Variants in SKAP1 observed in about 807,000 individuals in gnomAD.
The protein encoded by SKAP1 is src kinase associated phosphoprotein 1.
A neutral mutation model predicts 58.5 loss-of-function variants in SKAP1; 44 were observed. That is an observed-to-expected ratio of 0.75 (90% CI 0.59 to 0.97). SKAP1 has a LOEUF of 0.97. SKAP1 is among the 50% of genes least tolerant of loss of function. The pLI is 0.00. For synonymous variants in SKAP1, 127 were observed against 149.7 expected (o/e 0.85, Z 1.11); for missense variants, 390 against 435.2 (o/e 0.90, Z 0.92).
intron 4 of SKAP1, among the ~76,000 whole-genome samples, chr17:48,252,975 A>G (rs375240621): frequency 6.6e-6 from 1 of 152,280 alleles, no homozygotes; most frequent in South Asian, 2.1e-4. Context: ...AAAACTGGAT[A>G]CAAATTGTTG....
chr17:48,396,852 T>G, intron 1 of SKAP1, 67 bp from the exon 2 acceptor site: 2 of 1,185,820 alleles, frequency 1.7e-6, no homozygotes, highest in Non-Finnish European at 1.2e-6. Context: ...ATCAGAAGGA[T>G]TAAGAAATGG....
At chr17:48,298,677 C>A (rs1358999042) in intron 4 of SKAP1, among the ~76,000 whole-genome samples, 1 of 152,098 alleles carries the variant, frequency 6.6e-6, no homozygotes, top group Non-Finnish European at 1.5e-5. Context: ...TTCATGAGAT[C>A]CTGTTTTCAT....
intron 2 of SKAP1, among the ~76,000 whole-genome samples, chr17:48,377,962 TC>T (rs955814161): frequency 6.6e-6 from 1 of 152,194 alleles, no homozygotes; most frequent in Non-Finnish European, 1.5e-5. Flanking sequence ...ACCCCTGTGT[TC>T]CCTATTTCAA....
intron 11 of SKAP1, among the ~76,000 whole-genome samples, chr17:48,161,856 A>G (rs899114632): frequency 7.2e-5 from 11 of 152,236 alleles, no homozygotes; most frequent in Admixed American, 5.9e-4. Flanking sequence ...AATTATGTAC[A>G]TAGTGATGAC....
Position 48,294,621 on chromosome 17 carries a change from C to T in SKAP1, c.280+51284G>A, listed in dbSNP as rs185347389. The T allele has an allele frequency of 2.6e-5, 4 of 152,276 alleles. No homozygotes were observed. In the East Asian group the frequency reaches 5.8e-4, roughly 22 times the overall value. 9.4% of individuals were successfully genotyped at this position (152,276 alleles called of 1,614,324 possible). A position where few individuals can be genotyped will look rare whatever the true frequency, so the allele number is the denominator to read the frequency against. On this transcript the variant is annotated intron_variant, in intron 4 of 12. Transcript: ENST00000336915. Reference sequence around the variant, plus strand: ...TGTGTAGAAAGCAATTATCAAGATTCCTCCAAAAGTCACAGAAATTTGGGT... The same window carrying T: ...TGTGTAGAAAGCAATTATCAAGATTTCTCCAAAAGTCACAGAAATTTGGGT...
At chr17:48,368,149 G>A (rs937249849) in intron 2 of SKAP1, among the ~76,000 whole-genome samples, 1 of 152,096 alleles carries the variant, frequency 6.6e-6, no homozygotes, top group Non-Finnish European at 1.5e-5. Flanking sequence ...TAAAAGGAAA[G>A]CCCAAAAGGT....
Position 48,189,451 on chromosome 17 carries a change from C to T in SKAP1, c.330G>A (p.Lys110=). 1 of 1,613,538 alleles carries T rather than the reference C, an allele frequency of 6.2e-7. No individual in the cohort carries two copies. The highest frequency in any genetic ancestry group is 1.1e-5 in the South Asian group (1 of 91,040). ...KGAQELDNVI[K]QGYLEKKSKD... is the part of the protein sequence containing the mutation. ...TGCTTTTCTTCTCCAAGTATCCTTG[C>T]TTGATTACGTTATCAAGTTCTTGAG... Residue 110 remains lysine (K), a synonymous_variant, in exon 5 of 13, where the codon AAG becomes AAA. Transcript: ENST00000336915.
chr17:48,237,613 G>A (rs1302994865), intron 4 of SKAP1, among the ~76,000 whole-genome samples: 1 of 152,204 alleles, frequency 6.6e-6, no homozygotes, highest in Non-Finnish European at 1.5e-5. Flanking sequence ...CATTGAGGAT[G>A]TATTGGAGGA....
intron 2 of SKAP1, chr17:48,377,196 A>G (rs2067160727): frequency 6.6e-6 from 1 of 152,200 alleles, no homozygotes; most frequent in African/African-American, 2.4e-5. Context: ...AGGAAAAAAA[A>G]TTAAGGAAAA....
chr17:48,279,721 T>C (rs1333083811), intron 4 of SKAP1, among the ~76,000 whole-genome samples: 3 of 152,230 alleles, frequency 2.0e-5, no homozygotes, highest in Non-Finnish European at 2.9e-5. Context: ...TAAAGAAGTA[T>C]ATTTCATTCC....
At chr17:48,227,904 T>A (rs2065086667) in intron 4 of SKAP1, among the ~76,000 whole-genome samples, 1 of 152,218 alleles carries the variant, frequency 6.6e-6, no homozygotes, top group South Asian at 2.1e-4. Context: ...TAAATAGTGC[T>A]TAGAACTGTG....
intron 11 of SKAP1, among the ~76,000 whole-genome samples, chr17:48,153,785 A>AC (rs1390209473): frequency 1.3e-5 from 2 of 148,312 alleles, no homozygotes; most frequent in South Asian, 2.2e-4. Flanking sequence ...CTCCCAGATA[A>AC]CCCCCCACCC....
intron 4 of SKAP1, among the ~76,000 whole-genome samples, chr17:48,264,717 T>G (rs2065522094): frequency 6.8e-6 from 1 of 146,390 alleles, no homozygotes; most frequent in Non-Finnish European, 1.5e-5. Flanking sequence ...AAAGCAATAC[T>G]TAAACTTACA....
intron 4 of SKAP1, among the ~76,000 whole-genome samples, chr17:48,224,068 A>AAGGAGGAGGAGGAGAAGG (rs2065038895): frequency 5.2e-5 from 1 of 19,242 alleles, no homozygotes; most frequent in Admixed American, 7.9e-4. Flanking sequence ...GGAGGAGGAG[A>AAGGAGGAGGAGGAGAAGG]AGGAGGAGGA....
At chr17:48,401,151 CA>C (rs2067494486) in intron 1 of SKAP1, among the ~76,000 whole-genome samples, 1 of 151,938 alleles carries the variant, frequency 6.6e-6, no homozygotes, top group Non-Finnish European at 1.5e-5. Flanking sequence ...ACTAAAAATA[CA>C]AAAATTAGCT....
intron 4 of SKAP1, among the ~76,000 whole-genome samples, chr17:48,211,013 G>T (rs780691603): frequency 1.3e-5 from 2 of 152,082 alleles, no homozygotes; most frequent in African/African-American, 2.4e-5. Flanking sequence ...TAAAAAGACT[G>T]GGGGGAGGCA....
the SKAP1 span, among the ~76,000 whole-genome samples, chr17:48,442,795 C>T: frequency 7.9e-4 from 120 of 152,302 alleles, no homozygotes; most frequent in African/African-American, 2.7e-3. Flanking sequence ...TCTGGTTTTA[C>T]GCCCCACCAA....
intron 4 of SKAP1, among the ~76,000 whole-genome samples, chr17:48,319,013 A>G (rs2066326011): frequency 6.6e-6 from 1 of 152,240 alleles, no homozygotes. Flanking sequence ...AAGTACACAT[A>G]ACAGTAAGAA....
intron 2 of SKAP1, among the ~76,000 whole-genome samples, chr17:48,379,681 TC>T (rs1386267071): frequency 1.2e-4 from 16 of 129,938 alleles, no homozygotes; most frequent in Admixed American, 1.1e-3. Flanking sequence ...AGTATCTTCT[TC>T]TTTTTTTTTT....
Sources: gnomAD v4.1 joint callset for allele counts (sites outside exome capture counted in the v4.1 genomes callset) on GRCh38, gnomAD v4.1.1 for gene constraint, MANE v1.5 for transcripts, NCBI Gene and HGNC (gene_info 2026-07-23, HGNC 2026-07-21) for gene names.